Variants in GRIA4 observed in about 807,000 individuals in gnomAD.
The protein encoded by GRIA4 is glutamate ionotropic receptor AMPA type subunit 4, also known as glutamate receptor 4.
Under a neutral mutation model 104.0 loss-of-function variants are expected in GRIA4, and 34 were observed. That is an observed-to-expected ratio of 0.33 (90% CI 0.25 to 0.44). The LOEUF is 0.44. Among genes scored for constraint, GRIA4 ranks in the 20% least tolerant of loss-of-function variants. The pLI is 1.00. For missense variants in GRIA4, 750 were observed against 1,096.5 expected (o/e 0.68, Z 4.46); for synonymous variants, 386 against 381.9 (o/e 1.01, Z -0.13).
intron 3 of GRIA4, among the ~76,000 whole-genome samples, chr11:105,708,489 A>G (rs968272595): frequency 6.6e-6 from 1 of 152,010 alleles, no homozygotes; most frequent in Non-Finnish European, 1.5e-5. Context: ...ATTACAAATA[A>G]CTCCATGGTT....
intron 3 of GRIA4, among the ~76,000 whole-genome samples, chr11:105,665,802 T>C (rs1359916955): frequency 6.6e-6 from 1 of 152,006 alleles, no homozygotes; most frequent in Non-Finnish European, 1.5e-5. Context: ...ATCACATCTA[T>C]TTGTGAGACA....
chr11:105,611,969 C>T (rs1950492858), intron 2 of GRIA4, among the ~76,000 whole-genome samples: 1 of 152,068 alleles, frequency 6.6e-6, no homozygotes, highest in African/African-American at 2.4e-5. Context: ...GAGAGCTGCC[C>T]TGAGGTGGCT....
Position 105,731,807 on chromosome 11 carries a change from C to T in GRIA4, c.248-21174C>T, listed in dbSNP as rs186859081. Reference sequence around the variant, plus strand: ...AAACCAAACCCCGCATGTTCTCACTCATAAGTGGGAGTTGAACAATAAAAA... The same window carrying T: ...AAACCAAACCCCGCATGTTCTCACTTATAAGTGGGAGTTGAACAATAAAAA... On this transcript the variant is annotated intron_variant, in intron 3 of 16. Transcript: ENST00000282499. 6.6e-5 allele frequency among the ~76,000 whole-genome samples: 10 copies of T among 151,938 alleles called. No individual in the cohort carries two copies. In the East Asian group the frequency reaches 1.9e-3, roughly 30 times the overall value.
chr11:105,642,453 G>A (rs188433403), intron 3 of GRIA4, among the ~76,000 whole-genome samples: 1 of 144,766 alleles, frequency 6.9e-6, no homozygotes, highest in African/African-American at 2.6e-5. Context: ...GGTGACCCTT[G>A]CTCCTAAGTT....
chr11:105,957,809 C>T (rs1487985674), intron 14 of GRIA4, among the ~76,000 whole-genome samples: 8 of 152,158 alleles, frequency 5.3e-5, no homozygotes, highest in Non-Finnish European at 1.0e-4. Flanking sequence ...TGTAGTTCTC[C>T]GTGAAGAAGT....
chr11:105,793,311 A>G (rs1476068971), intron 4 of GRIA4, among the ~76,000 whole-genome samples: 2 of 152,130 alleles, frequency 1.3e-5, no homozygotes, highest in Non-Finnish European at 1.5e-5. Flanking sequence ...CAGGGATACT[A>G]CACAGACCCT....
intron 12 of GRIA4, 51 bp from the exon 13 acceptor site, chr11:105,926,690 C>G (rs746590076): frequency 9.1e-7 from 1 of 1,096,842 alleles, no homozygotes; most frequent in East Asian, 2.4e-5. Flanking sequence ...TCTTTTCTTT[C>G]TCTATGTTGG....
At position 105,702,951 on chromosome 11, in the gene GRIA4, TC is replaced by T. The variant is rs564767446; in HGVS notation, c.248-50027del. ...CACAAGTGATCTGCCCATCTCAGCC[TC>T]CCAATGTGCTGGGATTAAAGGCATA... On this transcript the variant is annotated intron_variant, in intron 3 of 16. Coordinates refer to ENST00000282499, the MANE Select transcript of GRIA4 (RefSeq NM_000829.4). 1.9e-3 allele frequency among the ~76,000 whole-genome samples: 286 copies of T among 152,270 alleles called. 1 individual carries two copies. Among genetic ancestry groups the T allele is most frequent in the Non-Finnish European group, 3.6e-3 (245 of 68,012 alleles).
chr11:105,785,273 T>C (rs1941909109), intron 4 of GRIA4, among the ~76,000 whole-genome samples: 1 of 152,180 alleles, frequency 6.6e-6, no homozygotes, highest in African/African-American at 2.4e-5. Context: ...GTACAATCCA[T>C]CAATACCATA....
At chr11:105,629,373 G>C (rs1950974087) in intron 3 of GRIA4, among the ~76,000 whole-genome samples, 1 of 151,902 alleles carries the variant, frequency 6.6e-6, no homozygotes, top group African/African-American at 2.4e-5. Flanking sequence ...TGGGCTATTA[G>C]GCAGAATAGC....
Position 105,979,751 on chromosome 11 carries a change from AT to A in GRIA4, c.*13del, listed in dbSNP as rs769940099. ...CGGACCTACCATAAAAACCAAAAAA[AT>A]AATTGAGTGCCTTAATTAAACTGTT... On this transcript the variant is annotated 3_prime_UTR_variant, in exon 17 of 17. Transcript: ENST00000282499. The A allele has an allele frequency of 1.3e-4, 212 of 1,603,724 alleles. No homozygotes were observed. Among genetic ancestry groups the A allele is most frequent in the Non-Finnish European group, 8.5e-5 (100 of 1,170,936 alleles).
At chr11:105,948,183 T>A (rs1300162854) in intron 14 of GRIA4, among the ~76,000 whole-genome samples, 1 of 152,206 alleles carries the variant, frequency 6.6e-6, no homozygotes. Flanking sequence ...GTGTTGCTCA[T>A]CAGCCTAAAC....
At chr11:105,892,005 T>C (rs1946472102) in intron 6 of GRIA4, among the ~76,000 whole-genome samples, 1 of 152,028 alleles carries the variant, frequency 6.6e-6, no homozygotes, top group Non-Finnish European at 1.5e-5. Flanking sequence ...TTTTAATAGA[T>C]ACAAAAATGA....
chr11:105,683,583 A>T (rs962861878), intron 3 of GRIA4, among the ~76,000 whole-genome samples: 1 of 152,184 alleles, frequency 6.6e-6, no homozygotes, highest in East Asian at 1.9e-4. Flanking sequence ...TTTGTATGAA[A>T]ATATTTAATT....
At position 105,723,434 on chromosome 11, in the gene GRIA4, A is replaced by G. The variant is rs569189490; in HGVS notation, c.248-29547A>G. Among the ~76,000 whole-genome samples, 98 of 152,254 alleles carry G rather than the reference A, an allele frequency of 6.4e-4. 2 individuals are homozygous for G. Among genetic ancestry groups the G allele is most frequent in the Middle Eastern group, 6.8e-3 (2 of 294 alleles). On this transcript the variant is annotated intron_variant, in intron 3 of 16. Coordinates refer to ENST00000282499, the MANE Select transcript of GRIA4 (RefSeq NM_000829.4). ...TTTTTCCAGAATAAAATATATCAGC[A>G]TATCTGATGTAAAATAACGATTGGT...
At chr11:105,948,316 A>G (rs1206206697) in intron 14 of GRIA4, among the ~76,000 whole-genome samples, 1 of 152,176 alleles carries the variant, frequency 6.6e-6, no homozygotes, top group Non-Finnish European at 1.5e-5. Context: ...ATGAAAGAAG[A>G]AAGTTGGAAC....
In GRIA4 at chr11:105,847,272, C is replaced by G. The variant is rs189492895; in HGVS notation, c.488-14752C>G. 3.3e-4 allele frequency among the ~76,000 whole-genome samples: 51 copies of G among 152,296 alleles called. No homozygotes were observed. The East Asian group carries it at 9.3e-3, about 28-fold the overall frequency. Reference sequence around the variant, plus strand: ...TTCATGCTCCTATGAGCATCTAATGCCACTGCTGTCCTGACAGGAGGTGGA... The same window carrying G: ...TTCATGCTCCTATGAGCATCTAATGGCACTGCTGTCCTGACAGGAGGTGGA... On this transcript the variant is annotated intron_variant, in intron 4 of 16. Coordinates refer to ENST00000282499, the MANE Select transcript of GRIA4 (RefSeq NM_000829.4).
chr11:105,941,032 A>AATATACAGT (rs1005679315), intron 14 of GRIA4, among the ~76,000 whole-genome samples: 4 of 152,192 alleles, frequency 2.6e-5, no homozygotes, highest in Non-Finnish European at 5.9e-5. Flanking sequence ...AACTGACACA[A>AATATACAGT]ATATACAGTA....
intron 4 of GRIA4, among the ~76,000 whole-genome samples, chr11:105,805,478 G>GAAAAAAAAAAAAAAAA (rs57123559): frequency 3.8e-4 from 35 of 92,456 alleles, no homozygotes; most frequent in African/African-American, 1.2e-3. Context: ...AAGAAATCAG[G>GAAAAAAAAAAAAAAAA]AAAAAAAAAA....
Sources: allele counts gnomAD v4.1 joint callset (sites outside exome capture counted in the v4.1 genomes callset), GRCh38; gene constraint gnomAD v4.1.1; transcripts MANE v1.5; gene names NCBI Gene and HGNC (gene_info 2026-07-23, HGNC 2026-07-21).